ADAMTSL1: variants seen among roughly 807,000 people sequenced by gnomAD.
The protein encoded by ADAMTSL1 is ADAMTS like 1.
In ADAMTSL1, 126 loss-of-function variants were observed where a neutral mutation model predicts 201.8. The ratio of observed to expected loss-of-function variants is 0.62; its 90% CI spans 0.54 to 0.72. The LOEUF (loss-of-function observed/expected upper bound fraction) is 0.72. ADAMTSL1 is among the 30% of genes least tolerant of loss of function. The pLI is 0.00. For synonymous variants in ADAMTSL1, 1,121 were observed against 903.4 expected, an observed-to-expected ratio of 1.24 and a Z score of -4.32; for missense variants, 2,679 against 2,277.8, an observed-to-expected ratio of 1.18 and a Z score of -3.59.
chr9:18,565,662 C>A (rs1450084498), intron 3 of ADAMTSL1, among the ~76,000 whole-genome samples: 6 of 151,280 alleles, frequency 4.0e-5, no homozygotes, highest in African/African-American at 1.5e-4. Context: ...TCCTCCAAAA[C>A]TGACCCCACT....
intron 1 of ADAMTSL1, among the ~76,000 whole-genome samples, chr9:18,013,610 T>G (rs1820140842): frequency 6.6e-6 from 1 of 152,068 alleles, no homozygotes; most frequent in African/African-American, 2.4e-5. Context: ...ATGTAGTTTT[T>G]CTGTTTCTGG....
chr9:18,472,068 A>G (rs190758372), upstream of ADAMTSL1, among the ~76,000 whole-genome samples: 242 of 152,284 alleles, frequency 1.6e-3, 2 homozygotes, highest in Middle Eastern at 3.4e-3. Context: ...TTATGTGTGA[A>G]GAGGGAGGAG....
intron 1 of ADAMTSL1, among the ~76,000 whole-genome samples, chr9:18,475,959 G>C (rs945575704): frequency 3.3e-5 from 5 of 152,004 alleles, no homozygotes; most frequent in African/African-American, 7.2e-5. Context: ...ATATGTATTA[G>C]AGCATATAAT....
chr9:18,472,797 G>T (rs1821269356), upstream of ADAMTSL1, among the ~76,000 whole-genome samples: 1 of 152,174 alleles, frequency 6.6e-6, no homozygotes, highest in Admixed American at 6.5e-5. Flanking sequence ...GCTATCAGGA[G>T]ATCTGAAAAG....
intron 1 of ADAMTSL1, among the ~76,000 whole-genome samples, chr9:18,088,258 A>T (rs1563992651): frequency 6.6e-6 from 1 of 152,212 alleles, no homozygotes; most frequent in Non-Finnish European, 1.5e-5. Context: ...AAGTAGATTA[A>T]ATACTTAAAT....
chr9:18,769,129 G>A (rs1327742469), intron 16 of ADAMTSL1, among the ~76,000 whole-genome samples: 2 of 152,062 alleles, frequency 1.3e-5, no homozygotes, highest in Admixed American at 1.3e-4. Context: ...GTGAAAGCTG[G>A]GCTGCAGCTA....
At chr9:17,982,892 T>C (rs541488374) in intron 1 of ADAMTSL1, among the ~76,000 whole-genome samples, 7 of 151,976 alleles carry the variant, frequency 4.6e-5, no homozygotes, top group Non-Finnish European at 8.8e-5. Context: ...TATTATTTTC[T>C]TAGAGCAGAG....
chr9:17,964,278 G>T (rs906071420), intron 1 of ADAMTSL1, among the ~76,000 whole-genome samples: 1 of 152,062 alleles, frequency 6.6e-6, no homozygotes, highest in African/African-American at 2.4e-5. Context: ...TTCCTGTGTC[G>T]TCCTTTCCTC....
At chr9:17,990,298 T>C (rs566345701) in intron 1 of ADAMTSL1, among the ~76,000 whole-genome samples, 7 of 152,086 alleles carry the variant, frequency 4.6e-5, no homozygotes, top group Non-Finnish European at 1.0e-4. Context: ...GGATATTTTG[T>C]AGATGACCAT....
intron 1 of ADAMTSL1, among the ~76,000 whole-genome samples, chr9:18,149,139 A>G (rs998490418): frequency 2.6e-5 from 4 of 152,092 alleles, no homozygotes; most frequent in African/African-American, 9.7e-5. Flanking sequence ...ATACTCTGCT[A>G]GGGCTAGAAA....
At chr9:18,220,582 C>A (rs549801784) in intron 2 of ADAMTSL1, among the ~76,000 whole-genome samples, 11 of 152,046 alleles carry the variant, frequency 7.2e-5, no homozygotes, top group Admixed American at 6.6e-4. Context: ...AATTCTTTAA[C>A]TGGTAAACTT....
intron 8 of ADAMTSL1, among the ~76,000 whole-genome samples, chr9:18,658,534 C>G (rs1196194178): frequency 6.6e-6 from 1 of 152,124 alleles, no homozygotes; most frequent in Non-Finnish European, 1.5e-5. Context: ...TCAACTCCAC[C>G]CCATCATCCA....
intron 2 of ADAMTSL1, among the ~76,000 whole-genome samples, chr9:18,370,753 A>G (rs1388004227): frequency 6.6e-6 from 1 of 151,064 alleles, no homozygotes. Context: ...AGCAATGCCA[A>G]TTATGAGCCA....
chr9:18,039,643 A>G (rs1341576454), intron 1 of ADAMTSL1, among the ~76,000 whole-genome samples: 1 of 152,190 alleles, frequency 6.6e-6, no homozygotes, highest in Non-Finnish European at 1.5e-5. Context: ...GAAATTTAGA[A>G]AATTTAGACT....
intron 13 of ADAMTSL1, among the ~76,000 whole-genome samples, chr9:18,695,911 G>T (rs1831519975): frequency 6.6e-6 from 1 of 152,170 alleles, no homozygotes; most frequent in Admixed American, 6.5e-5. Flanking sequence ...ATTTCCACAG[G>T]TGGTACAGGA....
chr9:18,331,975 G>A (rs1191471765), intron 2 of ADAMTSL1, among the ~76,000 whole-genome samples: 1 of 152,110 alleles, frequency 6.6e-6, no homozygotes, highest in Non-Finnish European at 1.5e-5. Context: ...TCCTTGATAA[G>A]GCATTGGCAA....
intron 2 of ADAMTSL1, among the ~76,000 whole-genome samples, chr9:18,513,255 T>G (rs1167221042): frequency 6.6e-6 from 1 of 152,006 alleles, no homozygotes; most frequent in African/African-American, 2.4e-5. Context: ...TCTCTACAAT[T>G]TAGCCATCTT....
chr9:18,621,958 T>C (rs1169445206), intron 4 of ADAMTSL1, among the ~76,000 whole-genome samples: 1 of 152,188 alleles, frequency 6.6e-6, no homozygotes, highest in Admixed American at 6.5e-5. Flanking sequence ...TCATCTCTCT[T>C]ACTTTCTCCC....
At chr9:18,407,469 A>T (rs1442327829) in intron 2 of ADAMTSL1, among the ~76,000 whole-genome samples, 1 of 152,194 alleles carries the variant, frequency 6.6e-6, no homozygotes, top group Non-Finnish European at 1.5e-5. Context: ...ATTCTTTCAG[A>T]GGGAAGATGG....
Sources: gnomAD v4.1 joint callset for allele counts (sites outside exome capture counted in the v4.1 genomes callset) on GRCh38, gnomAD v4.1.1 for gene constraint, MANE v1.5 for transcripts, NCBI Gene and HGNC (gene_info 2026-07-23, HGNC 2026-07-21) for gene names.